MRGPRX2: variants seen among roughly 807,000 people sequenced by gnomAD.
The protein encoded by MRGPRX2 is MAS related GPR family member X2.
For synonymous variants in MRGPRX2, 183 were observed against 175.6 expected (o/e 1.04, Z -0.33); for missense variants, 389 against 404.5 (o/e 0.96, Z 0.33).
At chr11:19,059,591 A>G (rs1463168220) in intron 1 of MRGPRX2, among the ~76,000 whole-genome samples, 1 of 152,182 alleles carries the variant, frequency 6.6e-6, no homozygotes, top group African/African-American at 2.4e-5. Context: ...AAGTGACACT[A>G]GATGGGAAGG....
intron 1 of MRGPRX2, among the ~76,000 whole-genome samples, chr11:19,059,637 G>C (rs1025755647): frequency 6.6e-6 from 1 of 152,148 alleles, no homozygotes. Flanking sequence ...GATAGAATGA[G>C]AAATTGATTC....
In MRGPRX2 at chr11:19,055,314, A is replaced by G; in HGVS notation, c.*96T>C. 1.5e-6 allele frequency: 2 copies of G among 1,318,196 alleles called. No homozygotes were observed. Among genetic ancestry groups the G allele is most frequent in the Non-Finnish European group, 2.1e-6 (2 of 953,226 alleles). The allele number at this position is 1,318,196 out of a possible 1,614,324, so 81.7% of individuals were successfully genotyped here. On this transcript the variant is annotated 3_prime_UTR_variant, in exon 2 of 2. Transcript: ENST00000329773. ...CACAAGGACTCTCTTAACTGTTTTA[A>G]AATCAGGACTGAGAAAGTTCAGCAA... is the stretch of plus-strand genomic sequence containing the variant.
Position 19,056,274 on chromosome 11 carries a change from G to A in MRGPRX2, c.129C>T (p.Val43=), listed in dbSNP as rs561450238. ...GCACAAACCCGTTTCCTACCAGCCC[G>A]ACCAGGGCAATGAAAAGGATCAGGA... ...PVFLILFIAL[V]GLVGNGFVLW... The change falls in exon 2 of 2, where the codon GTC becomes GTT. Residue 43 remains valine (V), a synonymous_variant. Transcript: ENST00000329773. 1.9e-6 allele frequency: 3 copies of A among 1,614,212 alleles called. No homozygotes were observed. In the Admixed American group the frequency reaches 5.0e-5, roughly 27 times the overall value.
At position 19,056,351 on chromosome 11, in the gene MRGPRX2, T is replaced by G; in HGVS notation, c.52A>C (p.Asn18His). The change falls in exon 2 of 2, where the codon AAT (asparagine) becomes CAT (histidine). Residue 18 changes from asparagine (N) to histidine (H), a missense_variant. By Grantham distance (68) the Asn-to-His change is moderately conservative. Transcript: ENST00000329773. ...WGTESTTVNG[N>H]DQALLLLCGK... ...CAAAGCAGAAGAAGGGCTTGGTCAT[T>G]TCCATTCACTGTTGTACTTTCTGTT... 1 of 1,614,160 alleles carries G rather than the reference T, an allele frequency of 6.2e-7. No homozygotes were observed. Among genetic ancestry groups the G allele is most frequent in the Non-Finnish European group, 8.5e-7 (1 of 1,180,026 alleles).
At position 19,056,342 on chromosome 11, in the gene MRGPRX2, C is replaced by T; in HGVS notation, c.61G>A (p.Ala21Thr). 6.2e-7 allele frequency: 1 copy of T among 1,614,124 alleles called. No individual in the cohort carries two copies. The highest frequency in any genetic ancestry group is 8.5e-7 in the Non-Finnish European group (1 of 1,180,004). ...TCCTTGCCACAAAGCAGAAGAAGGGCTTGGTCATTTCCATTCACTGTTGTA... is the reference window on the plus strand; with the variant it reads ...TCCTTGCCACAAAGCAGAAGAAGGGTTTGGTCATTTCCATTCACTGTTGTA... Reference protein sequence around the residue: ...ESTTVNGNDQALLLLCGKETL... With the variant: ...ESTTVNGNDQTLLLLCGKETL... The change falls in exon 2 of 2, where the codon GCC (alanine) becomes ACC (threonine). Residue 21 changes from alanine (A) to threonine (T), a missense_variant. Coordinates refer to ENST00000329773, the MANE Select transcript of MRGPRX2 (RefSeq NM_054030.4).
In MRGPRX2 at chr11:19,056,447, T is replaced by A; in HGVS notation, c.-25-20A>T. The A allele has an allele frequency of 6.3e-7, 1 of 1,575,460 alleles. No individual in the cohort carries two copies. The highest frequency in any genetic ancestry group is 8.6e-7 in the Non-Finnish European group (1 of 1,159,520). ...GTGCCCCTGGAAACAAAAACAAGACTTGAGCACCTGCTGCATGTTCACTGA... is the reference window on the plus strand; with the variant it reads ...GTGCCCCTGGAAACAAAAACAAGACATGAGCACCTGCTGCATGTTCACTGA... On this transcript the variant is annotated intron_variant, in intron 1 of 1. Transcript: ENST00000329773.
At position 19,056,143 on chromosome 11, in the gene MRGPRX2, A is replaced by T; in HGVS notation, c.260T>A (p.Leu87Gln). 6.2e-7 allele frequency: 1 copy of T among 1,614,244 alleles called. No individual in the cohort carries two copies. Among genetic ancestry groups the T allele is most frequent in the Non-Finnish European group, 8.5e-7 (1 of 1,180,048 alleles). The change falls in exon 2 of 2, where the codon CTG (leucine) becomes CAG (glutamine). Residue 87 changes from leucine to glutamine, a missense_variant. Coordinates refer to ENST00000329773, the MANE Select transcript of MRGPRX2 (RefSeq NM_054030.4). The part of the protein sequence containing the change: ...LFLCFQIINC[L>Q]VYLSNFFCSI... The stretch of plus-strand genomic sequence containing the variant: ...ACAGAAGAAGTTACTGAGGTACACC[A>T]GGCAATTTATAATCTGGAAGCAGAG...
chr11:19,056,864 TGA>T (rs1415226396), intron 1 of MRGPRX2, among the ~76,000 whole-genome samples: 1 of 152,122 alleles, frequency 6.6e-6, no homozygotes, highest in Admixed American at 6.5e-5. Flanking sequence ...CCTTAATGAC[TGA>T]GAGGAGTCCA....
rs368447192 is a variant in MRGPRX2 at position 19,055,377 on chromosome 11, C to A, written c.*33G>T. On this transcript the variant is annotated 3_prime_UTR_variant, in exon 2 of 2. Transcript: ENST00000329773. ...GGGGCAAAGTTGCCTCTCAAAGCCA[C>A]ATATATCTGATGGAAGTAGAGGCTG... is the stretch of plus-strand genomic sequence containing the variant. 1.3e-6 allele frequency: 2 copies of A among 1,569,626 alleles called. No individual in the cohort carries two copies. Among genetic ancestry groups the A allele is most frequent in the Non-Finnish European group, 1.7e-6 (2 of 1,155,226 alleles).
At chr11:19,059,423 T>A (rs1195701333) in intron 1 of MRGPRX2, among the ~76,000 whole-genome samples, 1 of 152,196 alleles carries the variant, frequency 6.6e-6, no homozygotes, top group Non-Finnish European at 1.5e-5. Flanking sequence ...ATTATCACTA[T>A]AATAGGTTTC....
rs1849605852 is a variant in MRGPRX2 at position 19,055,548 on chromosome 11, A to G, written c.855T>C (p.Phe285=). 1 of 1,614,092 alleles carries G rather than the reference A, an allele frequency of 6.2e-7. No individual in the cohort carries two copies. Among genetic ancestry groups the G allele is most frequent in the Non-Finnish European group, 8.5e-7 (1 of 1,180,028 alleles). ...GCTGCTGCAGCCGCCACTGCTTCCT[A>G]AAAGAGCCCACGAAGAAGTAAATGA... ...NPIIYFFVGS[F]RKQWRLQQPI... The change falls in exon 2 of 2, where the codon TTT becomes TTC. Residue 285 remains phenylalanine (F), a synonymous_variant. Transcript: ENST00000329773.
intron 1 of MRGPRX2, among the ~76,000 whole-genome samples, chr11:19,058,033 G>A (rs1295219367): frequency 2.0e-5 from 3 of 152,132 alleles, no homozygotes; most frequent in South Asian, 4.1e-4. Context: ...ATGGAATGTC[G>A]AAATTGCAGT....
In MRGPRX2 at chr11:19,055,574, T is replaced by G; in HGVS notation, c.829A>C (p.Ile277Leu). The G allele has an allele frequency of 6.2e-7, 1 of 1,614,112 alleles. No individual in the cohort carries two copies. Among genetic ancestry groups the G allele is most frequent in the Non-Finnish European group, 8.5e-7 (1 of 1,180,020 alleles). Residue 277 changes from isoleucine to leucine, a missense_variant, in exon 2 of 2, where the codon ATC becomes CTC. By Grantham distance (5) the Ile-to-Leu change is conservative. Coordinates refer to ENST00000329773, the MANE Select transcript of MRGPRX2 (RefSeq NM_054030.4). ...AAAGAGCCCACGAAGAAGTAAATGA[T>G]GGGGTTGGCACTGCTGTTAAGAGAT... is the stretch of plus-strand genomic sequence containing the variant. ...LSSLNSSANP[I>L]IYFFVGSFRK...
At chr11:19,056,978 C>A (rs1343923526) in intron 1 of MRGPRX2, among the ~76,000 whole-genome samples, 1 of 152,170 alleles carries the variant, frequency 6.6e-6, no homozygotes, top group East Asian at 1.9e-4. Context: ...CTAGAAATTG[C>A]TCAGTGGGTC....
rs371063144 is a variant in MRGPRX2, at chr11:19,055,908, C to T, written c.495G>A (p.Gly165=). 27 of 1,614,068 alleles carry T rather than the reference C, an allele frequency of 1.7e-5. No homozygotes were observed. The African/African-American group carries it at 2.8e-4, about 17-fold the overall frequency. ...CACTAAATAAGAAGCCACAGAACTT[C>T]CCTTCCAAGATGCTCAGCAGTAGGG... The part of the protein sequence containing the change: ...ALSLLLSILE[G]KFCGFLFSDG... Residue 165 remains glycine, a synonymous_variant, in exon 2 of 2, where the codon GGG becomes GGA. Coordinates refer to ENST00000329773, the MANE Select transcript of MRGPRX2 (RefSeq NM_054030.4).
rs1230817452 is a variant in MRGPRX2, at chr11:19,055,935, C to G, written c.468G>C (p.Leu156=). 14 of 1,614,226 alleles carry G rather than the reference C, an allele frequency of 8.7e-6. 1 individual carries two copies. The highest frequency in any genetic ancestry group is 7.7e-5 in the South Asian group (7 of 91,090). The change falls in exon 2 of 2, where the codon CTG becomes CTC. Residue 156 remains leucine, a synonymous_variant. Coordinates refer to ENST00000329773, the MANE Select transcript of MRGPRX2 (RefSeq NM_054030.4). ...CTTCCAAGATGCTCAGCAGTAGGGA[C>G]AGGGCCCAGAGCAGGACACACACGA... ...SAVVCVLLWA[L]SLLLSILEGK... is the part of the protein sequence containing the mutation.
At chr11:19,057,694 C>G (rs935800560) in intron 1 of MRGPRX2, among the ~76,000 whole-genome samples, 1 of 152,218 alleles carries the variant, frequency 6.6e-6, no homozygotes, top group African/African-American at 2.4e-5. Flanking sequence ...GCAAATTACA[C>G]TTGGGAAGGA....
In MRGPRX2 at chr11:19,056,131, C is replaced by T. The variant is rs749023612; in HGVS notation, c.272G>A (p.Ser91Asn). Reference sequence around the variant, plus strand: ...GATGGAGATGGAACAGAAGAAGTTACTGAGGTACACCAGGCAATTTATAAT... The same window carrying T: ...GATGGAGATGGAACAGAAGAAGTTATTGAGGTACACCAGGCAATTTATAAT... ...FQIINCLVYL[S>N]NFFCSISINF... The change falls in exon 2 of 2, where the codon AGT becomes AAT. Residue 91 changes from serine (S) to asparagine (N), a missense_variant. By Grantham distance (46) the Ser-to-Asn change is conservative (BLOSUM62 1). Coordinates refer to ENST00000329773, the MANE Select transcript of MRGPRX2 (RefSeq NM_054030.4). 6.2e-7 allele frequency: 1 copy of T among 1,614,202 alleles called. No homozygotes were observed. Among genetic ancestry groups the T allele is most frequent in the Non-Finnish European group, 8.5e-7 (1 of 1,180,028 alleles).
chr11:19,060,269 CT>C (rs1196186731), intron 1 of MRGPRX2, among the ~76,000 whole-genome samples: 1 of 152,130 alleles, frequency 6.6e-6, no homozygotes, highest in Non-Finnish European at 1.5e-5. Context: ...AAGGAAAAAC[CT>C]TTTGAATAAC....
Sources: allele counts gnomAD v4.1 joint callset (sites outside exome capture counted in the v4.1 genomes callset), GRCh38; gene constraint gnomAD v4.1.1; transcripts MANE v1.5; gene names NCBI Gene and HGNC (gene_info 2026-07-23, HGNC 2026-07-21).